Variants in DMKN observed in about 807,000 individuals in gnomAD.
DMKN encodes the protein dermokine.
Under a neutral mutation model 67.6 loss-of-function variants are expected in DMKN, and 58 were observed. That is an observed-to-expected ratio of 0.86 (90% CI 0.69 to 1.07). The LOEUF is 1.07. DMKN is among the 50% of genes least tolerant of loss of function. DMKN has a pLI of 0.00. For synonymous variants in DMKN, 240 were observed against 232.3 expected (o/e 1.03, Z -0.30); for missense variants, 596 against 601.5 (o/e 0.99, Z 0.10).
chr19:35,502,805 C>T, intron 10 of DMKN, 25 bp downstream of exon 10: 1 of 1,613,844 alleles, frequency 6.2e-7, no homozygotes, highest in Non-Finnish European at 8.5e-7. Flanking sequence ...GCCCCCAGTT[C>T]TTCAAACAGC....
chr19:35,509,368 C>T (rs915725345), intron 7 of DMKN, among the ~76,000 whole-genome samples: 3 of 152,160 alleles, frequency 2.0e-5, no homozygotes, highest in African/African-American at 7.2e-5. Context: ...CACCTCCGGT[C>T]TGGCCTTGCC....
intron 9 of DMKN, chr19:35,503,315 T>A: frequency 4.6e-6 from 7 of 1,533,468 alleles, no homozygotes; most frequent in Non-Finnish European, 6.1e-6. Context: ...GTGGGGCAGC[T>A]AAGGTTTATT....
chr19:35,503,756 A>G (rs3829676), intron 9 of DMKN, among the ~76,000 whole-genome samples: 78,616 of 151,950 alleles, frequency 0.52, 21,559 homozygotes, highest in African/African-American at 0.7. Flanking sequence ...GATTACAGGC[A>G]TGAGCCACCG....
chr19:35,507,422 T>C, intron 7 of DMKN: 1 of 1,540,276 alleles, frequency 6.5e-7, no homozygotes, highest in Non-Finnish European at 8.8e-7. Flanking sequence ...CACCATCCCT[T>C]CTCCTAAAGC....
intron 9 of DMKN, among the ~76,000 whole-genome samples, chr19:35,504,848 C>T (rs1252929330): frequency 6.6e-6 from 1 of 151,800 alleles, no homozygotes; most frequent in East Asian, 1.9e-4. Flanking sequence ...GTGACCCCCC[C>T]ACCCATTCCC....
In DMKN at chr19:35,512,644, A is replaced by G. The variant is rs1328530326; in HGVS notation, c.573T>C (p.Ala191=). 2 of 1,614,014 alleles carry G rather than the reference A, an allele frequency of 1.2e-6. No homozygotes were observed. The highest frequency in any genetic ancestry group is 2.2e-5 in the South Asian group (2 of 91,076). ...CTCCATTGCCTCCTTGACCCCAGGG[A>G]GCTCCCTGAGGATTCATTCCAAAGC... is the stretch of plus-strand genomic sequence containing the variant. ...AGSFGMNPQG[A]PWGQGGNGGP... is the part of the protein sequence containing the mutation. The change falls in exon 2 of 16, where the codon GCT becomes GCC. Residue 191 remains alanine, a synonymous_variant. Coordinates refer to ENST00000339686, the MANE Select transcript of DMKN (RefSeq NM_033317.5).
Position 35,512,690 on chromosome 19 carries a change from T to C in DMKN, c.527A>G (p.Tyr176Cys). ...AAAGCTGCCTGCTGAGTTTCCGGGG[T>C]ATCCGTGGACCCACGGAGTCCCCAG... ...GGLGTPWVHGYPGNSAGSFGM... is the reference protein window; with the variant it reads ...GGLGTPWVHGCPGNSAGSFGM... Residue 176 changes from tyrosine (Y) to cysteine (C), a missense_variant, in exon 2 of 16, where the codon TAC becomes TGC. By Grantham distance (194) the Tyr-to-Cys change is radical. Transcript: ENST00000339686. 1 of 1,614,122 alleles carries C rather than the reference T, an allele frequency of 6.2e-7. No individual in the cohort carries two copies. Among genetic ancestry groups the C allele is most frequent in the Non-Finnish European group, 8.5e-7 (1 of 1,180,024 alleles).
chr19:35,510,485 G>C, intron 5 of DMKN: 1 of 1,551,024 alleles, frequency 6.4e-7, no homozygotes, highest in Non-Finnish European at 8.7e-7. Flanking sequence ...TGGAGAACCT[G>C]AGCTGCTGCC....
intron 10 of DMKN, among the ~76,000 whole-genome samples, chr19:35,502,596 C>G (rs1049082237): frequency 3.3e-5 from 5 of 151,462 alleles, no homozygotes; most frequent in African/African-American, 1.2e-4. Flanking sequence ...CCCAGCTACT[C>G]GGGAGGCTGA....
rs2070489785 is a variant in DMKN, at chr19:35,510,261, G to A, written c.919-9C>T. On this transcript the variant is annotated splice_polypyrimidine_tract_variant and intron_variant, in intron 5 of 15. Coordinates refer to ENST00000339686, the MANE Select transcript of DMKN (RefSeq NM_033317.5). ...GAGCCGGTGCTGGATCCCTGCAGGGGAAAGCAAGATTTCAAACGCTGTCCT... is the reference window on the plus strand; with the variant it reads ...GAGCCGGTGCTGGATCCCTGCAGGGAAAAGCAAGATTTCAAACGCTGTCCT... The A allele has an allele frequency of 3.8e-6, 6 of 1,598,450 alleles. No individual in the cohort carries two copies. Among genetic ancestry groups the A allele is most frequent in the Non-Finnish European group, 5.1e-6 (6 of 1,172,384 alleles).
chr19:35,511,498 G>GCCA lies in DMKN; in HGVS notation c.830_831insTGG (p.Ser277_Ser278insGly), dbSNP rs2070789254. On this transcript the variant is annotated inframe_insertion, in exon 5 of 16. Coordinates refer to ENST00000339686, the MANE Select transcript of DMKN (RefSeq NM_033317.5). ...TGCTGCCGCCACTGCTGCCGCCACT[G>GCCA]CTGCTGCCACTGCTGCTGCCACCAC... 3 of 1,080,094 alleles carry GCCA rather than the reference G, an allele frequency of 2.8e-6. No individual in the cohort carries two copies. The African/African-American group carries it at 5.8e-5, about 21-fold the overall frequency. 66.9% of individuals were successfully genotyped at this position (1,080,094 alleles called of 1,614,324 possible).
At position 35,501,202 on chromosome 19, in the gene DMKN, G is replaced by A. The variant is rs138501419; in HGVS notation, c.1240-622C>T. On this transcript the variant is annotated intron_variant, in intron 11 of 15. Transcript: ENST00000339686. Reference sequence around the variant, plus strand: ...CCATCACGGCTTCTCCACTTGGACCGTCCGCCCTGCCACACACACACACAG... The same window carrying A: ...CCATCACGGCTTCTCCACTTGGACCATCCGCCCTGCCACACACACACACAG... 1.9e-3 allele frequency among the ~76,000 whole-genome samples: 287 copies of A among 152,138 alleles called. 1 individual carries two copies. Among genetic ancestry groups the A allele is most frequent in the African/African-American group, 6.2e-3 (258 of 41,500 alleles).
intron 13 of DMKN, chr19:35,499,253 T>C: frequency 3.0e-6 from 1 of 334,888 alleles, no homozygotes; most frequent in Non-Finnish European, 5.5e-6. Flanking sequence ...CCACAGGCAG[T>C]AGAAGCTGCA....
intron 11 of DMKN, chr19:35,501,770 C>T: frequency 6.7e-7 from 1 of 1,500,112 alleles, no homozygotes; most frequent in Non-Finnish European, 9.0e-7. Context: ...AGCCTAGGCC[C>T]CTTCTTCCCC....
At position 35,500,553 on chromosome 19, in the gene DMKN, G is replaced by A. The variant is rs753707298; in HGVS notation, c.1267C>T (p.Arg423Cys). ...CTCACCTGATCGTCTCTGCCTGCAC[G>A]TTTCTGCAGTGATGACGCGTCCGCA... ...EGADASSLQK[R>C]AGRDDQNYNY... is the part of the protein sequence containing the mutation. Residue 423 changes from arginine to cysteine, a missense_variant, in exon 12 of 16, where the codon CGT becomes TGT. Transcript: ENST00000339686. The A allele has an allele frequency of 1.4e-5, 22 of 1,612,628 alleles. No homozygotes were observed. In the East Asian group the frequency reaches 4.2e-4, roughly 31 times the overall value.
chr19:35,503,065 A>T (rs1207997152), intron 9 of DMKN, among the ~76,000 whole-genome samples, 179 bp from the exon 10 acceptor site: 1 of 152,082 alleles, frequency 6.6e-6, no homozygotes, highest in Admixed American at 6.6e-5. Context: ...AGGGAGAGAG[A>T]GAGGCACTAA....
chr19:35,498,174 TGCCCAGGCTGGA>T (rs1166384606), intron 15 of DMKN: 2 of 155,618 alleles, frequency 1.3e-5, no homozygotes, highest in Non-Finnish European at 2.8e-5. Flanking sequence ...TCACTGTGAT[TGCCCAGGCTGGA>T]GTGCAGCGGT....
At chr19:35,505,586 T>C in intron 9 of DMKN, 132 bp downstream of exon 9, 1 of 1,088,808 alleles carries the variant, frequency 9.2e-7, no homozygotes, top group Non-Finnish European at 1.4e-6. Context: ...ACCCCCAGTG[T>C]GTTTAGTTTT....
Position 35,513,105 on chromosome 19 carries a change from C to T in DMKN, c.371G>A (p.Gly124Glu). 1 of 1,614,162 alleles carries T rather than the reference C, an allele frequency of 6.2e-7. No individual in the cohort carries two copies. Among genetic ancestry groups the T allele is most frequent in the Non-Finnish European group, 8.5e-7 (1 of 1,180,042 alleles). ...GRQAEDVIRHGADAVRGSWQG... is the reference protein window; with the variant it reads ...GRQAEDVIRHEADAVRGSWQG... ...CCAGGAGCCGCGGACAGCATCTGCT[C>T]CGTGTCGAATGACATCTTCTGCCTG... The change falls in exon 1 of 16, where the codon GGA becomes GAA. Residue 124 changes from glycine to glutamate, a missense_variant. Gly to Glu is a moderately conservative substitution (Grantham distance 98). Coordinates refer to ENST00000339686, the MANE Select transcript of DMKN (RefSeq NM_033317.5).
Sources: allele counts gnomAD v4.1 joint callset (sites outside exome capture counted in the v4.1 genomes callset), GRCh38; gene constraint gnomAD v4.1.1; transcripts MANE v1.5; gene names NCBI Gene and HGNC (gene_info 2026-07-23, HGNC 2026-07-21).